DCAF6: variants seen among roughly 807,000 people sequenced by gnomAD.
The protein encoded by DCAF6 is DDB1 and CUL4 associated factor 6.
DCAF6 carries 54 observed loss-of-function variants against 125.1 expected under a neutral mutation model. The observed-to-expected ratio is 0.43, with a 90% CI of 0.35 to 0.54. The LOEUF (loss-of-function observed/expected upper bound fraction) is 0.54, where lower values mean the gene tolerates loss of function less well. Ranked by LOEUF, DCAF6 falls within the 20% of genes least tolerant of loss-of-function variation. DCAF6 has a pLI of 0.01. For synonymous variants in DCAF6, 371 were observed against 390.4 expected, an observed-to-expected ratio of 0.95 and a Z score of 0.58; for missense variants, 934 against 1,161.7, an observed-to-expected ratio of 0.80 and a Z score of 2.85.
rs376080572 is a variant in DCAF6 at position 168,063,786 on chromosome 1, G to A, written c.2439+27G>A. On this transcript the variant is annotated intron_variant, in intron 18 of 21. Transcript: ENST00000367840. ...TACCAAATGTTCATGGCATTTTTTGGTGAAATTGCAGTTTCATGCTCTGAG... is the reference window on the plus strand; with the variant it reads ...TACCAAATGTTCATGGCATTTTTTGATGAAATTGCAGTTTCATGCTCTGAG... 1.9e-6 allele frequency: 3 copies of A among 1,589,656 alleles called. No homozygotes were observed. The African/African-American group carries it at 4.1e-5, about 22-fold the overall frequency.
At chr1:167,942,372 G>T (rs192658715) in intron 1 of DCAF6, among the ~76,000 whole-genome samples, 3 of 152,122 alleles carry the variant, frequency 2.0e-5, no homozygotes, top group African/African-American at 7.2e-5. Flanking sequence ...CCTTTAATTT[G>T]CATTTCTCTA....
chr1:167,992,284 A>ACAC (rs1557943229), intron 6 of DCAF6, among the ~76,000 whole-genome samples: 1 of 82,064 alleles, frequency 1.2e-5, no homozygotes, highest in Non-Finnish European at 2.7e-5. Context: ...CACACACACA[A>ACAC]ACACCGAATG....
intron 16 of DCAF6, among the ~76,000 whole-genome samples, chr1:168,048,241 A>C (rs967145583): frequency 6.6e-6 from 1 of 152,148 alleles, no homozygotes; most frequent in Non-Finnish European, 1.5e-5. Context: ...GTATGTCTTA[A>C]AGTTCCCTCC....
chr1:168,036,187 T>A (rs1360938274), intron 12 of DCAF6, among the ~76,000 whole-genome samples: 2 of 152,244 alleles, frequency 1.3e-5, no homozygotes, highest in Non-Finnish European at 2.9e-5. Flanking sequence ...ATAAATGTTT[T>A]CTGCTCTGTT....
intron 2 of DCAF6, among the ~76,000 whole-genome samples, chr1:167,957,593 T>C (rs1204527787): frequency 6.6e-6 from 1 of 152,178 alleles, no homozygotes. Context: ...CTGTGAACAT[T>C]TGTGTACAAA....
intron 2 of DCAF6, among the ~76,000 whole-genome samples, chr1:167,956,425 A>G (rs1450674498): frequency 6.6e-6 from 1 of 152,112 alleles, no homozygotes; most frequent in Non-Finnish European, 1.5e-5. Flanking sequence ...GTTTCTCATT[A>G]CTGATATTGG....
chr1:167,876,210 T>TCACGCCATTGCATTG, the DCAF6 span, among the ~76,000 whole-genome samples: 2 of 145,180 alleles, frequency 1.4e-5, no homozygotes, highest in African/African-American at 5.2e-5. Flanking sequence ...TGAGCCAAGA[T>TCACGCCATTGCATTG]CACGCCATTG....
intron 16 of DCAF6, among the ~76,000 whole-genome samples, chr1:168,046,639 C>CT (rs1289238059): frequency 6.6e-6 from 1 of 152,074 alleles, no homozygotes. Context: ...GCAAGTAAGA[C>CT]TTAGTTCTAT....
intron 2 of DCAF6, among the ~76,000 whole-genome samples, chr1:167,958,654 C>T (rs1571666445): frequency 6.6e-6 from 1 of 152,116 alleles, no homozygotes. Context: ...ATGGCTCAGA[C>T]ATTTCATTGT....
chr1:167,865,287 T>C, the DCAF6 span, among the ~76,000 whole-genome samples: 87 of 152,298 alleles, frequency 5.7e-4, no homozygotes, highest in South Asian at 0.012. Context: ...AAATGTTAAT[T>C]GTAAAAAAAA....
At chr1:167,987,461 G>T (rs377761374) in intron 4 of DCAF6, 34 bp from the exon 5 acceptor site, 6 of 1,012,206 alleles carry the variant, frequency 5.9e-6, no homozygotes, top group South Asian at 1.3e-5. Flanking sequence ...TTAAATGTTC[G>T]TATGATTATC....
chr1:167,910,607 T>C, the DCAF6 span, among the ~76,000 whole-genome samples: 1 of 152,152 alleles, frequency 6.6e-6, no homozygotes, highest in African/African-American at 2.4e-5. Context: ...TCATGGGAAG[T>C]ATGCAGTGGG....
intron 12 of DCAF6, among the ~76,000 whole-genome samples, chr1:168,031,038 C>A (rs979289930): frequency 4.6e-5 from 7 of 152,104 alleles, no homozygotes; most frequent in African/African-American, 1.7e-4. Flanking sequence ...GTATGAGATA[C>A]CCAAGTTGAA....
rs554861802 is a variant in DCAF6, at chr1:168,055,331, GTT to G, written c.2300+4426_2300+4427del. ...TTGAATTGAAAAAAATCAGGCTTAA[GTT>G]TTTTTTTTTTTTTTTTTTTTTTTTT... On this transcript the variant is annotated intron_variant, in intron 17 of 21. Transcript: ENST00000367840. 5.1e-3 allele frequency among the ~76,000 whole-genome samples: 160 copies of G among 31,608 alleles called. 7 individuals are homozygous for G. The highest frequency in any genetic ancestry group is 6.0e-3 in the Non-Finnish European group (115 of 19,238). 20.7% of individuals were successfully genotyped at this position (31,608 alleles called of 152,430 possible).
chr1:167,880,162 A>T, the DCAF6 span: 1 of 1,613,612 alleles, frequency 6.2e-7, no homozygotes, highest in Non-Finnish European at 8.5e-7. Context: ...ACAGAAGACA[A>T]TCCCACTGGC....
At chr1:168,025,764 G>T (rs1261046984) in intron 12 of DCAF6, among the ~76,000 whole-genome samples, 1 of 152,152 alleles carries the variant, frequency 6.6e-6, no homozygotes, top group African/African-American at 2.4e-5. Context: ...TCTACCGGCA[G>T]CCAGAGTGAA....
rs1050841036 is a variant in DCAF6, at chr1:167,959,831, G to C, written c.160-6798G>C. On this transcript the variant is annotated intron_variant, in intron 2 of 21. Coordinates refer to ENST00000367840, the MANE Select transcript of DCAF6 (RefSeq NM_001198956.2). ...CTTGTCTTCTTGTTTTCTTGACATT[G>C]TCTTTTGCAGGGTGGAAGTTTTTAA... is the stretch of plus-strand genomic sequence containing the variant. Among the ~76,000 whole-genome samples, 6 of 152,162 alleles carry C rather than the reference G, an allele frequency of 3.9e-5. No homozygotes were observed. The South Asian group carries it at 1.2e-3, about 32-fold the overall frequency.
chr1:168,031,869 T>C (rs1687140441), intron 12 of DCAF6, among the ~76,000 whole-genome samples: 2 of 152,152 alleles, frequency 1.3e-5, no homozygotes, highest in Non-Finnish European at 2.9e-5. Context: ...ATAGGAGACG[T>C]TTATGAATAG....
chr1:168,010,205 G>A (rs886563944), intron 10 of DCAF6, among the ~76,000 whole-genome samples: 2 of 151,980 alleles, frequency 1.3e-5, no homozygotes, highest in African/African-American at 4.8e-5. Flanking sequence ...ATTGTTCTTA[G>A]GTTGTTCTGA....
Sources: gnomAD v4.1 joint callset for allele counts (sites outside exome capture counted in the v4.1 genomes callset) on GRCh38, gnomAD v4.1.1 for gene constraint, MANE v1.5 for transcripts, NCBI Gene and HGNC (gene_info 2026-07-23, HGNC 2026-07-21) for gene names.